ERC2: variants seen among roughly 807,000 people sequenced by gnomAD.
ERC2 encodes the protein ELKS/RAB6-interacting/CAST family member 2.
Under a neutral mutation model 114.8 loss-of-function variants are expected in ERC2, and 42 were observed. The observed-to-expected ratio is 0.37, with a 90% CI of 0.29 to 0.47. The LOEUF is 0.47. Among genes scored for constraint, ERC2 ranks in the 20% least tolerant of loss-of-function variants. ERC2 has a pLI of 0.99. For synonymous variants in ERC2, 454 were observed against 425.5 expected (o/e 1.07, Z -0.82); for missense variants, 939 against 1,150.7 (o/e 0.82, Z 2.66).
intron 6 of ERC2, among the ~76,000 whole-genome samples, chr3:56,091,804 T>C (rs1305695083): frequency 6.6e-6 from 1 of 152,192 alleles, no homozygotes; most frequent in Non-Finnish European, 1.5e-5. Flanking sequence ...ATTGAGCCTT[T>C]GGCCTTTCAA....
rs376771438 is a variant in ERC2 at position 56,025,016 on chromosome 3, C to T, written c.1642-5985G>A. On this transcript the variant is annotated intron_variant, in intron 7 of 17. Transcript: ENST00000288221. ...CAGGTGTTGTTGAACCTGTGTCGCA[C>T]GTGGCTGGAACTGCACACTGATCAA... Among the ~76,000 whole-genome samples, 8 of 152,132 alleles carry T rather than the reference C, an allele frequency of 5.3e-5. No homozygotes were observed. The East Asian group carries it at 1.2e-3, about 22-fold the overall frequency.
chr3:55,968,558 C>T (rs542743992), intron 12 of ERC2, among the ~76,000 whole-genome samples: 40 of 152,230 alleles, frequency 2.6e-4, no homozygotes, highest in African/African-American at 9.4e-4. Context: ...TCCAGGCCGT[C>T]AAAAACACCA....
chr3:56,266,910 A>G (rs1039251742), intron 3 of ERC2, among the ~76,000 whole-genome samples: 2 of 152,208 alleles, frequency 1.3e-5, no homozygotes, highest in African/African-American at 4.8e-5. Context: ...CCTCATAAAG[A>G]TATCTGCACT....
chr3:56,464,836 C>A (rs150486869), intron 1 of ERC2, among the ~76,000 whole-genome samples: 1 of 150,326 alleles, frequency 6.7e-6, no homozygotes, highest in Non-Finnish European at 1.5e-5. Flanking sequence ...AGATGCCCCA[C>A]GGACCAGCCA....
chr3:55,538,275 TA>T (rs1180529402), intron 17 of ERC2, among the ~76,000 whole-genome samples: 2 of 152,222 alleles, frequency 1.3e-5, no homozygotes, highest in African/African-American at 4.8e-5. Flanking sequence ...ATCTCATTAA[TA>T]ATTGATTTCC....
intron 3 of ERC2, among the ~76,000 whole-genome samples, chr3:56,187,404 G>A (rs2150060128): frequency 6.6e-6 from 1 of 152,250 alleles, no homozygotes; most frequent in South Asian, 2.1e-4. Context: ...CAGAACTCCA[G>A]GTTTTATCTG....
intron 17 of ERC2, among the ~76,000 whole-genome samples, chr3:55,586,408 T>C (rs2057604898): frequency 6.6e-6 from 1 of 152,244 alleles, no homozygotes; most frequent in South Asian, 2.1e-4. Context: ...ATAGCAGAAA[T>C]GCCACTATGA....
chr3:56,169,388 G>A (rs529566244), intron 4 of ERC2, among the ~76,000 whole-genome samples: 110 of 152,304 alleles, frequency 7.2e-4, no homozygotes, highest in African/African-American at 2.6e-3. Context: ...CAGCTGCTAA[G>A]TTTGGAGTGA....
At chr3:55,516,625 C>T (rs2107168242) in intron 17 of ERC2, among the ~76,000 whole-genome samples, 1 of 152,204 alleles carries the variant, frequency 6.6e-6, no homozygotes. Context: ...TGGGAGGAGG[C>T]AGTGGAGGGA....
intron 2 of ERC2, among the ~76,000 whole-genome samples, chr3:56,303,784 T>C (rs1372619788): frequency 6.6e-6 from 1 of 152,114 alleles, no homozygotes; most frequent in Non-Finnish European, 1.5e-5. Flanking sequence ...TTGAATGTGG[T>C]CCTAAGTGCC....
At chr3:55,583,149 G>A (rs1250577864) in intron 17 of ERC2, among the ~76,000 whole-genome samples, 1 of 152,196 alleles carries the variant, frequency 6.6e-6, no homozygotes, top group East Asian at 1.9e-4. Context: ...CTAAGCCAAA[G>A]AGAGGGGACT....
At chr3:56,141,005 CAGAG>C (rs1427901230) in intron 5 of ERC2, among the ~76,000 whole-genome samples, 1 of 152,154 alleles carries the variant, frequency 6.6e-6, no homozygotes, top group Non-Finnish European at 1.5e-5. Flanking sequence ...GCCTGGGTGA[CAGAG>C]GGAGGCTCCA....
chr3:56,405,760 G>T (rs1232342921), intron 2 of ERC2, among the ~76,000 whole-genome samples: 1 of 152,074 alleles, frequency 6.6e-6, no homozygotes, highest in African/African-American at 2.4e-5. Context: ...TCCACTATTG[G>T]ATATTTAGGT....
intron 17 of ERC2, among the ~76,000 whole-genome samples, chr3:55,570,278 C>A (rs193220443): frequency 2.8e-4 from 42 of 152,148 alleles, no homozygotes; most frequent in Non-Finnish European, 5.0e-4. Flanking sequence ...TACTTCTGGT[C>A]CCAGCTCAGT....
chr3:55,754,600 T>A (rs1252724941), intron 14 of ERC2, among the ~76,000 whole-genome samples: 1 of 77,550 alleles, frequency 1.3e-5, no homozygotes, highest in Non-Finnish European at 3.2e-5. Context: ...TTATCCATTC[T>A]TACATAAAAA....
intron 9 of ERC2, among the ~76,000 whole-genome samples, chr3:56,007,908 T>C (rs555826846): frequency 6.6e-6 from 1 of 152,128 alleles, no homozygotes; most frequent in Non-Finnish European, 1.5e-5. Flanking sequence ...TTGACAGATA[T>C]GATGAATCTT....
chr3:55,519,624 A>G (rs555004882), intron 17 of ERC2, among the ~76,000 whole-genome samples: 3 of 152,268 alleles, frequency 2.0e-5, no homozygotes, highest in Admixed American at 6.5e-5. Context: ...ATGGCTCCCA[A>G]ACTTCCTTAT....
At chr3:55,522,242 T>G (rs1434727436) in intron 17 of ERC2, among the ~76,000 whole-genome samples, 1 of 152,084 alleles carries the variant, frequency 6.6e-6, no homozygotes, top group Non-Finnish European at 1.5e-5. Flanking sequence ...AAGGGAAACA[T>G]AAACACAAAC....
chr3:56,104,607 G>A (rs1331020995), intron 6 of ERC2, among the ~76,000 whole-genome samples: 1 of 150,360 alleles, frequency 6.7e-6, no homozygotes, highest in Admixed American at 6.7e-5. Context: ...GAATGCGACA[G>A]GACTAGGACA....
Sources: gnomAD v4.1 joint callset for allele counts (sites outside exome capture counted in the v4.1 genomes callset) on GRCh38, gnomAD v4.1.1 for gene constraint, MANE v1.5 for transcripts, NCBI Gene and HGNC (gene_info 2026-07-23, HGNC 2026-07-21) for gene names.